The following KIF13A variants were observed in gnomAD, a reference collection of about 807,000 sequenced individuals.
KIF13A encodes the protein kinesin family member 13A.
KIF13A carries 79 observed loss-of-function variants against 212.2 expected under a neutral mutation model. The observed-to-expected ratio is 0.37, with a 90% CI of 0.31 to 0.45. The LOEUF (loss-of-function observed/expected upper bound fraction) is 0.45. Ranked by LOEUF, KIF13A falls within the 20% of genes least tolerant of loss-of-function variation. The pLI is 1.00. For synonymous variants in KIF13A, 789 were observed against 808.6 expected, an observed-to-expected ratio of 0.98 and a Z score of 0.41; for missense variants, 1,901 against 2,209.0, an observed-to-expected ratio of 0.86 and a Z score of 2.79.
intron 16 of KIF13A, 56 bp from the exon 17 acceptor site, chr6:17,817,289 ATGC>A: frequency 6.7e-7 from 1 of 1,496,700 alleles, no homozygotes; most frequent in East Asian, 2.3e-5. Flanking sequence ...ACAAGCATTC[ATGC>A]CAGGCACTGC....
intron 2 of KIF13A, among the ~76,000 whole-genome samples, chr6:17,939,212 T>C (rs918620634): frequency 2.0e-5 from 3 of 152,230 alleles, no homozygotes; most frequent in African/African-American, 7.2e-5. Context: ...AGAAGACCTC[T>C]ATAAACAACA....
At chr6:17,946,516 C>T (rs889149990) in intron 2 of KIF13A, among the ~76,000 whole-genome samples, 3 of 151,056 alleles carry the variant, frequency 2.0e-5, no homozygotes, top group African/African-American at 7.3e-5. Context: ...AATGAATGGC[C>T]GATAAAATAT....
intron 3 of KIF13A, among the ~76,000 whole-genome samples, chr6:17,884,241 T>C (rs1307681200): frequency 3.9e-5 from 6 of 152,262 alleles, no homozygotes; most frequent in Admixed American, 3.3e-4. Flanking sequence ...TTTGGGATTG[T>C]GGTAACATAA....
chr6:17,879,515 A>T (rs1294224448), intron 3 of KIF13A, among the ~76,000 whole-genome samples: 1 of 152,178 alleles, frequency 6.6e-6, no homozygotes, highest in East Asian at 1.9e-4. Context: ...ATGGTCAAAT[A>T]AGGATTCGGT....
At chr6:17,884,365 T>C (rs1301370036) in intron 3 of KIF13A, among the ~76,000 whole-genome samples, 2 of 152,226 alleles carry the variant, frequency 1.3e-5, no homozygotes, top group African/African-American at 4.8e-5. Context: ...ATTAATAGCA[T>C]AGCTACTGCT....
intron 20 of KIF13A, among the ~76,000 whole-genome samples, chr6:17,803,003 G>A (rs1762607789): frequency 1.4e-5 from 2 of 144,978 alleles, no homozygotes; most frequent in Non-Finnish European, 3.0e-5. Flanking sequence ...GTGTGATCTT[G>A]GCTCACTGCA....
chr6:17,979,271 C>T (rs780168083), intron 2 of KIF13A, among the ~76,000 whole-genome samples: 2 of 152,024 alleles, frequency 1.3e-5, no homozygotes, highest in Non-Finnish European at 2.9e-5. Context: ...CCAGCCTAGG[C>T]GACAGAACGA....
Position 17,846,112 on chromosome 6 carries a change from T to C in KIF13A, c.830+3265A>G, listed in dbSNP as rs1370476928. 3.0e-5 allele frequency among the ~76,000 whole-genome samples: 4 copies of C among 131,724 alleles called. No homozygotes were observed. The Admixed American group carries it at 3.6e-4, about 12-fold the overall frequency. The allele number at this position is 131,724 out of a possible 152,430, so 86.4% of individuals were successfully genotyped here. A position where few individuals can be genotyped will look rare whatever the true frequency, so the allele number is the denominator to read the frequency against. On this transcript the variant is annotated intron_variant, in intron 9 of 38. Transcript: ENST00000259711. The stretch of plus-strand genomic sequence containing the variant: ...CTGGGATTACAGGCGCCCACTACCA[T>C]GCCGGGCTGATTTTTGTATTTTTAG...
At chr6:17,921,750 G>A (rs1214630896) in intron 2 of KIF13A, among the ~76,000 whole-genome samples, 3 of 152,150 alleles carry the variant, frequency 2.0e-5, no homozygotes, top group Non-Finnish European at 2.9e-5. Context: ...GTGTCGTCCT[G>A]TGCTCTGAAG....
chr6:17,837,370 A>T lies in KIF13A; in HGVS notation c.942+102T>A, dbSNP rs142438106. 1.3e-6 allele frequency: 1 copy of T among 758,640 alleles called. No individual in the cohort carries two copies. The highest frequency in any genetic ancestry group is 2.2e-6 in the Non-Finnish European group (1 of 454,316). The allele number at this position is 758,640 out of a possible 1,614,324, so 47.0% of individuals were successfully genotyped here. A position where few individuals can be genotyped will look rare whatever the true frequency, so the allele number is the denominator to read the frequency against. ...AGGAATTAGAATAACTGTCATCAGGAGAGTTCTTTAGGTATTTGGTTAGCT... is the reference window on the plus strand; with the variant it reads ...AGGAATTAGAATAACTGTCATCAGGTGAGTTCTTTAGGTATTTGGTTAGCT... On this transcript the variant is annotated intron_variant, in intron 10 of 38. Coordinates refer to ENST00000259711, the MANE Select transcript of KIF13A (RefSeq NM_022113.6). The surrounding 1 kb of genome is among the most constrained non-coding windows in gnomAD (Gnocchi z 5.4).
chr6:17,779,429 T>C (rs1455561866), intron 32 of KIF13A, among the ~76,000 whole-genome samples, 163 bp downstream of exon 32: 13 of 151,224 alleles, frequency 8.6e-5, no homozygotes, highest in Non-Finnish European at 1.6e-4. Flanking sequence ...TGCGCCACCA[T>C]GCCCAGCTAA....
intron 2 of KIF13A, among the ~76,000 whole-genome samples, chr6:17,979,396 G>A (rs1780862474): frequency 6.6e-6 from 1 of 152,168 alleles, no homozygotes; most frequent in Non-Finnish European, 1.5e-5. Flanking sequence ...ATTCATCGAT[G>A]TTCTTAAGAA....
Position 17,915,400 on chromosome 6 carries a change from T to C in KIF13A, c.147-17220A>G, listed in dbSNP as rs879633829. On this transcript the variant is annotated intron_variant, in intron 2 of 38. Transcript: ENST00000259711. The surrounding 1 kb of genome is among the most constrained non-coding windows in gnomAD (Gnocchi z 4.4). ...AGTGAATTAACATATTATAAAGCTT[T>C]TAAAAGCAGCAGAGTAACACACGCG... 2.0e-4 allele frequency among the ~76,000 whole-genome samples: 31 copies of C among 152,196 alleles called. No homozygotes were observed. Among genetic ancestry groups the C allele is most frequent in the Non-Finnish European group, 2.9e-4 (20 of 68,038 alleles).
intron 38 of KIF13A, among the ~76,000 whole-genome samples, chr6:17,765,845 G>T (rs1477187467): frequency 6.6e-6 from 1 of 152,188 alleles, no homozygotes; most frequent in Non-Finnish European, 1.5e-5. Flanking sequence ...AGCACCTAAT[G>T]AAATCGCAAA....
At chr6:17,775,126 A>G (rs1759836597) in intron 34 of KIF13A, 64 bp from the exon 35 acceptor site, 2 of 1,297,638 alleles carry the variant, frequency 1.5e-6, no homozygotes, top group Admixed American at 2.1e-5. Flanking sequence ...TTTTTTTTAT[A>G]TAAAGAAACA....
intron 2 of KIF13A, among the ~76,000 whole-genome samples, chr6:17,916,052 T>C (rs1032420706): frequency 6.6e-6 from 1 of 152,212 alleles, no homozygotes; most frequent in Non-Finnish European, 1.5e-5. Context: ...AGGATGGCGT[T>C]TCTCATCCTG....
chr6:17,782,849 T>C (rs1481395744), intron 29 of KIF13A, among the ~76,000 whole-genome samples: 1 of 152,114 alleles, frequency 6.6e-6, no homozygotes, highest in East Asian at 1.9e-4. Context: ...CAATATGGGG[T>C]TCGCCCCTCA....
intron 2 of KIF13A, among the ~76,000 whole-genome samples, chr6:17,970,372 CGG>C (rs1229110301): frequency 3.7e-5 from 2 of 54,538 alleles, no homozygotes; most frequent in Non-Finnish European, 7.5e-5. Flanking sequence ...TAGGCCAAGG[CGG>C]TGGGGATCAC....
Position 17,855,957 on chromosome 6 carries a change from C to T in KIF13A, c.313+73G>A. On this transcript the variant is annotated intron_variant, in intron 5 of 38. Transcript: ENST00000259711. This position sits in a 1 kb window ranked among gnomAD's most constrained non-coding sequence, Gnocchi z 4.1. Reference sequence around the variant, plus strand: ...AACTCCTGGGCTCAGGAGATCCTCCCACCCCAGCCTCACCAAGTCCTGGGA... The same window carrying T: ...AACTCCTGGGCTCAGGAGATCCTCCTACCCCAGCCTCACCAAGTCCTGGGA... 1 of 1,036,366 alleles carries T rather than the reference C, an allele frequency of 9.6e-7. No individual in the cohort carries two copies. The highest frequency in any genetic ancestry group is 1.5e-6 in the Non-Finnish European group (1 of 679,338). 64.2% of individuals were successfully genotyped at this position (1,036,366 alleles called of 1,614,324 possible).
Sources: allele counts gnomAD v4.1 joint callset (sites outside exome capture counted in the v4.1 genomes callset), GRCh38; gene constraint gnomAD v4.1.1; non-coding constraint Gnocchi (gnomAD v3.1); transcripts MANE v1.5; gene names NCBI Gene and HGNC (gene_info 2026-07-23, HGNC 2026-07-21).